Variants in IFT80 observed in about 807,000 individuals in gnomAD.
The protein encoded by IFT80 is intraflagellar transport 80.
IFT80 carries 79 observed loss-of-function variants against 107.9 expected under a neutral mutation model. The ratio of observed to expected loss-of-function variants is 0.73; its 90% CI spans 0.61 to 0.88. The LOEUF (loss-of-function observed/expected upper bound fraction) is 0.88, where lower values mean the gene tolerates loss of function less well. IFT80 is among the 40% of genes least tolerant of loss of function. The pLI, the probability that IFT80 is intolerant of heterozygous loss-of-function variation, is 0.00. For synonymous variants in IFT80, 299 were observed against 300.9 expected, an observed-to-expected ratio of 0.99 and a Z score of 0.07; for missense variants, 797 against 914.2, an observed-to-expected ratio of 0.87 and a Z score of 1.65.
chr3:160,267,885 G>A (rs993682324), intron 19 of IFT80, among the ~76,000 whole-genome samples: 2 of 152,126 alleles, frequency 1.3e-5, no homozygotes, highest in African/African-American at 2.4e-5. Flanking sequence ...CTTCTAATTA[G>A]AGTAATAAAA....
chr3:160,269,263 G>A (rs1713612703), intron 18 of IFT80, among the ~76,000 whole-genome samples: 1 of 150,790 alleles, frequency 6.6e-6, no homozygotes, highest in South Asian at 2.1e-4. Flanking sequence ...AAATCATCCT[G>A]TAATTCAAGT....
chr3:160,270,487 A>G (rs1713712406), intron 18 of IFT80, among the ~76,000 whole-genome samples: 1 of 152,210 alleles, frequency 6.6e-6, no homozygotes, highest in Non-Finnish European at 1.5e-5. Flanking sequence ...ATTTCTTATA[A>G]ATTGACATAC....
intron 12 of IFT80, among the ~76,000 whole-genome samples, chr3:160,295,302 G>C (rs1715888210): frequency 6.6e-6 from 1 of 152,016 alleles, no homozygotes; most frequent in African/African-American, 2.4e-5. Flanking sequence ...TATTACGAAG[G>C]TTCCTCAAAA....
chr3:160,387,081 C>T (rs1226712007), intron 1 of IFT80, among the ~76,000 whole-genome samples: 1 of 151,984 alleles, frequency 6.6e-6, no homozygotes, highest in African/African-American at 2.4e-5. Flanking sequence ...ATTTCAATAC[C>T]CCAAAAGAGA....
At chr3:160,335,909 T>C (rs1719430345) in intron 8 of IFT80, among the ~76,000 whole-genome samples, 2 of 152,218 alleles carry the variant, frequency 1.3e-5, no homozygotes, top group Non-Finnish European at 2.9e-5. Flanking sequence ...CACTACATTA[T>C]GTGGCCTTTT....
At chr3:160,298,198 G>A (rs1420821566) in intron 12 of IFT80, among the ~76,000 whole-genome samples, 1 of 152,076 alleles carries the variant, frequency 6.6e-6, no homozygotes, top group Non-Finnish European at 1.5e-5. Context: ...CCCAAATTAG[G>A]AAGGAACCAG....
intron 5 of IFT80, chr3:160,373,543 G>C (rs1329417004): frequency 6.5e-6 from 1 of 153,516 alleles, no homozygotes; most frequent in Admixed American, 6.5e-5. Flanking sequence ...TAATTCAAGG[G>C]CATTACATTT....
intron 8 of IFT80, among the ~76,000 whole-genome samples, chr3:160,341,035 G>C (rs1186234329): frequency 1.3e-5 from 2 of 149,576 alleles, no homozygotes; most frequent in Non-Finnish European, 3.0e-5. Context: ...TTGTTTTTGA[G>C]ACAAGTTTTC....
chr3:160,284,938 T>C (rs1714976179), intron 13 of IFT80, among the ~76,000 whole-genome samples: 1 of 152,174 alleles, frequency 6.6e-6, no homozygotes. Context: ...ACTTATTTGG[T>C]GGAGAGGCAC....
intron 7 of IFT80, among the ~76,000 whole-genome samples, 155 bp downstream of exon 7, chr3:160,357,334 T>C (rs751893369): frequency 6.6e-5 from 10 of 152,198 alleles, no homozygotes; most frequent in Non-Finnish European, 1.0e-4. Context: ...ATGAAGTCCA[T>C]GCTTTAAAAT....
intron 8 of IFT80, among the ~76,000 whole-genome samples, chr3:160,326,944 A>G (rs1226795109): frequency 6.6e-6 from 1 of 152,182 alleles, no homozygotes; most frequent in Non-Finnish European, 1.5e-5. Context: ...TCAGCCCAAA[A>G]GCTTCTTAAG....
intron 12 of IFT80, among the ~76,000 whole-genome samples, chr3:160,297,236 C>T (rs1334204491): frequency 2.0e-5 from 3 of 151,752 alleles, no homozygotes; most frequent in Non-Finnish European, 4.4e-5. Flanking sequence ...GCTGTTTACT[C>T]TTTTGAAAAG....
At position 160,333,522 on chromosome 3, in the gene IFT80, A is replaced by T. The variant is rs542620015; in HGVS notation, c.778-13583T>A. On this transcript the variant is annotated intron_variant, in intron 8 of 19. Transcript: ENST00000326448. Reference sequence around the variant, plus strand: ...ATCCTTATTCTTTATGTTTTTTTCTATCTTTAAAATTTTTTGTTTTGTTTT... The same window carrying T: ...ATCCTTATTCTTTATGTTTTTTTCTTTCTTTAAAATTTTTTGTTTTGTTTT... Among the ~76,000 whole-genome samples, 199 of 152,090 alleles carry T rather than the reference A, an allele frequency of 1.3e-3. 1 individual carries two copies. Among genetic ancestry groups the T allele is most frequent in the African/African-American group, 4.6e-3 (191 of 41,520 alleles).
chr3:160,367,688 T>C (rs1439764889), intron 5 of IFT80, among the ~76,000 whole-genome samples: 1 of 152,102 alleles, frequency 6.6e-6, no homozygotes, highest in African/African-American at 2.4e-5. Flanking sequence ...ATAAACTACA[T>C]TACACTTGAT....
chr3:160,277,385 C>A lies in IFT80; in HGVS notation c.2020G>T (p.Glu674Ter). The A allele has an allele frequency of 6.2e-7, 1 of 1,613,424 alleles. No individual in the cohort carries two copies. Among genetic ancestry groups the A allele is most frequent in the South Asian group, 1.1e-5 (1 of 91,066 alleles). ...HILLFSGNIQ[E>*]AEIVLLQAGL... ...GCCTGAAGAAGTACTATTTCAGCCTCCTGTATGTTCCCACTAAACAGTAGT... is the reference window on the plus strand; with the variant it reads ...GCCTGAAGAAGTACTATTTCAGCCTACTGTATGTTCCCACTAAACAGTAGT... Residue 674 changes from glutamate (E) to a stop codon, truncating the protein, a stop_gained, in exon 18 of 20, where the codon GAG becomes TAG. Coordinates refer to ENST00000326448, the MANE Select transcript of IFT80 (RefSeq NM_020800.3). LOFTEE classifies it high-confidence loss of function.
chr3:160,261,909 G>A (rs1712875043), intron 19 of IFT80, among the ~76,000 whole-genome samples: 1 of 151,932 alleles, frequency 6.6e-6, no homozygotes, highest in Non-Finnish European at 1.5e-5. Context: ...CCTGGAATAA[G>A]AGCCTTCTCT....
intron 8 of IFT80, among the ~76,000 whole-genome samples, chr3:160,352,387 C>T (rs1008802329): frequency 6.6e-6 from 1 of 152,122 alleles, no homozygotes; most frequent in African/African-American, 2.4e-5. Context: ...TTCTATTATA[C>T]TATTCTTTTT....
chr3:160,292,070 A>C (rs921995196), intron 12 of IFT80, among the ~76,000 whole-genome samples: 1 of 152,216 alleles, frequency 6.6e-6, no homozygotes, highest in African/African-American at 2.4e-5. Context: ...AAGGCCCTAC[A>C]CATAGCTGGA....
chr3:160,334,225 G>A (rs183373580), intron 8 of IFT80, among the ~76,000 whole-genome samples: 1 of 152,272 alleles, frequency 6.6e-6, no homozygotes, highest in Admixed American at 6.5e-5. Context: ...AACAGACTGT[G>A]CTTTCAGTGA....
Sources: gnomAD v4.1 joint callset for allele counts (sites outside exome capture counted in the v4.1 genomes callset) on GRCh38, gnomAD v4.1.1 for gene constraint, MANE v1.5 for transcripts, NCBI Gene and HGNC (gene_info 2026-07-23, HGNC 2026-07-21) for gene names.